PER2: variants seen among roughly 807,000 people sequenced by gnomAD.
PER2 encodes period circadian protein homolog 2.
A neutral mutation model predicts 121.0 loss-of-function variants in PER2; 66 were observed. That is an observed-to-expected ratio of 0.55 (90% CI 0.45 to 0.67). PER2 has a LOEUF of 0.67. PER2 is among the 30% of genes least tolerant of loss of function. PER2 has a pLI of 0.00. For missense variants in PER2, 1,521 were observed against 1,635.0 expected (o/e 0.93, Z 1.20); for synonymous variants, 684 against 659.9 (o/e 1.04, Z -0.56).
chr2:238,258,173 C>T, intron 16 of PER2, 103 bp downstream of exon 16: 2 of 1,287,014 alleles, frequency 1.6e-6, no homozygotes, highest in East Asian at 2.3e-5. Flanking sequence ...GAAAAACAGC[C>T]TACACCCTTA....
In PER2 at chr2:238,250,695, G is replaced by A; in HGVS notation, c.3323C>T (p.Ser1108Phe). The change falls in exon 21 of 23, where the codon TCC (serine) becomes TTC (phenylalanine). Residue 1108 changes from serine to phenylalanine, a missense_variant. Transcript: ENST00000254657. ...HTSKYFGSIDSSENNHKAKMN... is the reference protein window; with the variant it reads ...HTSKYFGSIDFSENNHKAKMN... ...TTTTGCTTTGTGATTATTCTCTGAG[G>A]AGTCAATGCTTCCAAAATATTTGCT... 1 of 1,613,890 alleles carries A rather than the reference G, an allele frequency of 6.2e-7. No homozygotes were observed.
At chr2:238,299,674 A>G in the PER2 span, 2 of 152,282 alleles carry the variant, frequency 1.3e-5, no homozygotes, top group East Asian at 3.8e-4. Context: ...TCCTGAGACC[A>G]TGGCTATGGA....
At chr2:238,260,785 A>T (rs1330216702) in intron 13 of PER2, 43 bp downstream of exon 13, 1 of 1,612,230 alleles carries the variant, frequency 6.2e-7, no homozygotes, top group Non-Finnish European at 8.5e-7. Flanking sequence ...CTGGAGGGAC[A>T]TCCACAAACT....
At chr2:238,284,151 A>AAACAGAC (rs1411208170) in intron 1 of PER2, among the ~76,000 whole-genome samples, 1 of 152,212 alleles carries the variant, frequency 6.6e-6, no homozygotes, top group East Asian at 1.9e-4. Context: ...CACTACAGAA[A>AAACAGAC]AACAGACGGC....
At chr2:238,278,237 T>C (rs1458325963) in intron 1 of PER2, among the ~76,000 whole-genome samples, 1 of 152,118 alleles carries the variant, frequency 6.6e-6, no homozygotes, top group Non-Finnish European at 1.5e-5. Context: ...GCCTGGTTAA[T>C]TTTTTGTATT....
intron 3 of PER2, among the ~76,000 whole-genome samples, chr2:238,276,176 C>T (rs1696449545): frequency 6.6e-6 from 1 of 151,816 alleles, no homozygotes. Flanking sequence ...TCAGCCTCGG[C>T]TCTAGAGATG....
chr2:238,259,971 G>A lies in PER2; in HGVS notation c.1625C>T (p.Thr542Ile). ...ATGTTGAATATTTTTTTTTTTACCT[G>A]TAACGGATTTTTTCTTTTGTTCTCC... Reference protein sequence around the residue: ...ESGEQKKKSVTEMQTNPPAEK... With the variant: ...ESGEQKKKSVIEMQTNPPAEK... Residue 542 changes from threonine to isoleucine, a missense_variant and splice_region_variant, in exon 14 of 23, where the codon ACA (threonine) becomes ATA (isoleucine). Thr to Ile is a moderately conservative substitution (Grantham distance 89). Coordinates refer to ENST00000254657, the MANE Select transcript of PER2 (RefSeq NM_022817.3). The A allele has an allele frequency of 7.3e-7, 1 of 1,363,074 alleles. No homozygotes were observed. The highest frequency in any genetic ancestry group is 1.0e-6 in the Non-Finnish European group (1 of 959,064). 84.4% of individuals were successfully genotyped at this position (1,363,074 alleles called of 1,614,324 possible). A position where few individuals can be genotyped will look rare whatever the true frequency, so the allele number is the denominator to read the frequency against.
At chr2:238,256,392 C>G (rs574218046) in intron 17 of PER2, among the ~76,000 whole-genome samples, 32 of 152,314 alleles carry the variant, frequency 2.1e-4, no homozygotes, top group Non-Finnish European at 3.2e-4. Context: ...ACACTTTTTC[C>G]TTATCATTTC....
rs1343809386 is a variant in PER2 at position 238,245,437 on chromosome 2, GCT to G, written c.*936_*937del. 2.5e-6 allele frequency: 1 copy of G among 396,894 alleles called. No individual in the cohort carries two copies. Among genetic ancestry groups the G allele is most frequent in the African/African-American group, 2.1e-5 (1 of 48,604 alleles). The allele number at this position is 396,894 out of a possible 1,614,324, so 24.6% of individuals were successfully genotyped here. A position where few individuals can be genotyped will look rare whatever the true frequency, so the allele number is the denominator to read the frequency against. On this transcript the variant is annotated 3_prime_UTR_variant, in exon 23 of 23. Coordinates refer to ENST00000254657, the MANE Select transcript of PER2 (RefSeq NM_022817.3). ...GCTGTCAGACTGAGTGGCAGTGGCT[GCT>G]CTCGGCCAGGAGATGTGATGTGGGC... is the stretch of plus-strand genomic sequence containing the variant.
intron 8 of PER2, among the ~76,000 whole-genome samples, chr2:238,266,035 T>C (rs537484309): frequency 1.5e-3 from 232 of 152,046 alleles, no homozygotes; most frequent in South Asian, 3.1e-3. Flanking sequence ...TCTCCAGTAG[T>C]TGGGACTACA....
chr2:238,295,726 T>G, the PER2 span: 3 of 157,586 alleles, frequency 1.9e-5, no homozygotes, highest in Non-Finnish European at 2.8e-5. Flanking sequence ...TCGCTCCTCC[T>G]CAACAGATGG....
In PER2 at chr2:238,258,489, C is replaced by T. The variant is rs1695829319; in HGVS notation, c.1775+8G>A. 3.7e-6 allele frequency: 6 copies of T among 1,614,038 alleles called. No homozygotes were observed. The highest frequency in any genetic ancestry group is 1.3e-5 in the African/African-American group (1 of 74,990). On this transcript the variant is annotated splice_region_variant and intron_variant, in intron 15 of 22. Transcript: ENST00000254657. The stretch of plus-strand genomic sequence containing the variant: ...ATGGTGGAGACTCGGCTGGAAATGC[C>T]GGCATACCTGATGACGCTGTCCAAG...
chr2:238,251,530 T>C, intron 20 of PER2, 69 bp downstream of exon 20: 1 of 1,427,660 alleles, frequency 7.0e-7, no homozygotes, highest in East Asian at 2.3e-5. Flanking sequence ...GAGGCCGGCC[T>C]GTGACTCTGG....
intron 8 of PER2, 94 bp from the exon 9 acceptor site, chr2:238,265,684 A>G (rs926230172): frequency 2.9e-5 from 23 of 800,432 alleles, no homozygotes; most frequent in Non-Finnish European, 4.4e-5. Flanking sequence ...GTAGATTCAG[A>G]GTAATGAGCA....
At chr2:238,263,138 G>C (rs776098838) in intron 9 of PER2, 80 bp from the exon 10 acceptor site, 1 of 885,468 alleles carries the variant, frequency 1.1e-6, no homozygotes. Context: ...CTTATTCCCT[G>C]GAAAGAGAAG....
At chr2:238,291,545 A>G (rs1047693668), upstream of PER2, among the ~76,000 whole-genome samples, 2 of 152,222 alleles carry the variant, frequency 1.3e-5, no homozygotes, top group African/African-American at 4.8e-5. Flanking sequence ...TCCCTCTGCA[A>G]ATGGAGGAGG....
At chr2:238,281,207 C>T (rs1432639598) in intron 1 of PER2, among the ~76,000 whole-genome samples, 2 of 152,048 alleles carry the variant, frequency 1.3e-5, no homozygotes, top group Admixed American at 1.3e-4. Flanking sequence ...TTTCACCATG[C>T]TGGCCAGGAT....
chr2:238,286,924 C>G lies in PER2; in HGVS notation c.-20+1425G>C, dbSNP rs117642460. ...GGCTCACAGGAGAACATTACTTGGC[C>G]CAAAGGCAAGAGCATATCAGAAGCC... On this transcript the variant is annotated intron_variant, in intron 1 of 22. Transcript: ENST00000254657. Among the ~76,000 whole-genome samples the G allele has an allele frequency of 3.2e-4, 48 of 152,250 alleles. No homozygotes were observed. In the East Asian group the frequency reaches 7.5e-3, roughly 24 times the overall value.
chr2:238,287,197 G>T (rs893673081), intron 1 of PER2, among the ~76,000 whole-genome samples: 1 of 152,196 alleles, frequency 6.6e-6, no homozygotes, highest in Non-Finnish European at 1.5e-5. Context: ...ATCATACCAA[G>T]GCGACAGTGA....
Sources: allele counts gnomAD v4.1 joint callset (sites outside exome capture counted in the v4.1 genomes callset), GRCh38; gene constraint gnomAD v4.1.1; transcripts MANE v1.5; gene names NCBI Gene and HGNC (gene_info 2026-07-23, HGNC 2026-07-21).